The following PNPLA2 variants were observed in gnomAD, a reference collection of about 807,000 sequenced individuals.
The protein encoded by PNPLA2 is patatin-like phospholipase domain-containing protein 2.
A neutral mutation model predicts 39.7 loss-of-function variants in PNPLA2; 28 were observed. That is an observed-to-expected ratio of 0.70 (90% confidence interval 0.52 to 0.97). The LOEUF (loss-of-function observed/expected upper bound fraction) is 0.97. Ranked by LOEUF, PNPLA2 falls within the 50% of genes least tolerant of loss-of-function variation. The pLI is 0.00. For missense variants in PNPLA2, 768 were observed against 698.2 expected, an observed-to-expected ratio of 1.10 and a Z score of -1.13; for synonymous variants, 392 against 321.1, an observed-to-expected ratio of 1.22 and a Z score of -2.36.
Position 824,332 on chromosome 11 carries a change from C to T in PNPLA2, c.1071C>T (p.Pro357=), listed in dbSNP as rs771259316. ...SFTIRLLEWL[P]DVPEDIRWMK... is the part of the protein sequence containing the mutation. ...TCCCCAGCTTGCTGGAGTGGCTGCC[C>T]GACGTTCCCGAGGACATCCGGTGGA... The change falls in exon 9 of 10, where the codon CCC becomes CCT. Residue 357 remains proline (P), a synonymous_variant. Coordinates refer to ENST00000336615, the MANE Select transcript of PNPLA2 (RefSeq NM_020376.4). 9.7e-6 allele frequency: 15 copies of T among 1,550,968 alleles called. No individual in the cohort carries two copies. The South Asian group carries it at 1.5e-4, about 16-fold the overall frequency.
chr11:819,454 C>CG, intron 1 of PNPLA2, 120 bp from the exon 2 acceptor site: 1 of 1,152,368 alleles, frequency 8.7e-7, no homozygotes, highest in Non-Finnish European at 1.1e-6. Context: ...GGGTCAAGGA[C>CG]GGGGGCGGGT....
rs1046972492 is a variant in PNPLA2 at position 824,322 on chromosome 11, A to G, written c.1061A>G (p.Glu354Gly). The G allele has an allele frequency of 2.8e-5, 43 of 1,551,176 alleles. No homozygotes were observed. Among genetic ancestry groups the G allele is most frequent in the African/African-American group, 4.1e-5 (3 of 73,218 alleles). The change falls in exon 9 of 10, where the codon GAG becomes GGG. Residue 354 changes from glutamate (E) to glycine (G), a missense_variant. Glu to Gly is a moderately conservative substitution (Grantham distance 98). Coordinates refer to ENST00000336615, the MANE Select transcript of PNPLA2 (RefSeq NM_020376.4). Reference sequence around the variant, plus strand: ...GCTCGCCCTGTCCCCAGCTTGCTGGAGTGGCTGCCCGACGTTCCCGAGGAC... The same window carrying G: ...GCTCGCCCTGTCCCCAGCTTGCTGGGGTGGCTGCCCGACGTTCCCGAGGAC... ...SALSFTIRLL[E>G]WLPDVPEDIR...
chr11:824,836 C>T lies in PNPLA2; in HGVS notation c.1489C>T (p.Pro497Ser). ...LLSTPAPEARPVIGALGL is the reference protein window; with the variant it reads ...LLSTPAPEARSVIGALGL ...GAGCACCCCTGCTCCCGAGGCCCGGCCCGTGATCGGGGCCCTGGGGCTGTG... is the reference window on the plus strand; with the variant it reads ...GAGCACCCCTGCTCCCGAGGCCCGGTCCGTGATCGGGGCCCTGGGGCTGTG... The change falls in exon 10 of 10, where the codon CCC becomes TCC. Residue 497 changes from proline to serine, a missense_variant. By Grantham distance (74) the Pro-to-Ser change is moderately conservative. Coordinates refer to ENST00000336615, the MANE Select transcript of PNPLA2 (RefSeq NM_020376.4). 1 of 1,534,558 alleles carries T rather than the reference C, an allele frequency of 6.5e-7. No homozygotes were observed.
Position 819,820 on chromosome 11 carries a change from C to T in PNPLA2, c.102C>T (p.Pro34=), listed in dbSNP as rs913793983. The T allele has an allele frequency of 2.0e-6, 3 of 1,497,236 alleles. No homozygotes were observed. The highest frequency in any genetic ancestry group is 2.7e-6 in the Non-Finnish European group (3 of 1,124,390). The allele number at this position is 1,497,236 out of a possible 1,614,324, so 92.7% of individuals were successfully genotyped here. A position where few individuals can be genotyped will look rare whatever the true frequency, so the allele number is the denominator to read the frequency against. ...GVASCLREHA[P]FLVANATHIY... ...CCTCCTGCCTCCGCGAGCACGCGCCCTTCCTGGTGGCCAACGCCACGCACA... is the reference window on the plus strand; with the variant it reads ...CCTCCTGCCTCCGCGAGCACGCGCCTTTCCTGGTGGCCAACGCCACGCACA... The change falls in exon 2 of 10, where the codon CCC becomes CCT. Residue 34 remains proline, a synonymous_variant. Coordinates refer to ENST00000336615, the MANE Select transcript of PNPLA2 (RefSeq NM_020376.4).
rs1228238540 is a variant in PNPLA2 at position 824,317 on chromosome 11, G to A, written c.1056G>A (p.Leu352=). ...GCGCCGCTCGCCCTGTCCCCAGCTT[G>A]CTGGAGTGGCTGCCCGACGTTCCCG... is the stretch of plus-strand genomic sequence containing the variant. ...LESALSFTIR[L]LEWLPDVPED... Residue 352 remains leucine (L), a synonymous_variant, in exon 9 of 10, where the codon TTG becomes TTA. Transcript: ENST00000336615. The A allele has an allele frequency of 1.3e-6, 2 of 1,551,082 alleles. No homozygotes were observed. Among genetic ancestry groups the A allele is most frequent in the Non-Finnish European group, 1.7e-6 (2 of 1,147,678 alleles).
At chr11:822,818 CTCTT>C (rs1439451616) in intron 5 of PNPLA2, among the ~76,000 whole-genome samples, 4 of 112,232 alleles carry the variant, frequency 3.6e-5, no homozygotes, top group African/African-American at 1.1e-4. Flanking sequence ...CAGTCTCTCT[CTCTT>C]TTTTTTTTTT....
chr11:822,884 G>T (rs1845717105), intron 5 of PNPLA2, among the ~76,000 whole-genome samples: 1 of 150,588 alleles, frequency 6.6e-6, no homozygotes. Flanking sequence ...GAGTGCAGTG[G>T]CAGGATCTCA....
intron 2 of PNPLA2, among the ~76,000 whole-genome samples, 197 bp downstream of exon 2, chr11:820,102 C>T (rs371253674): frequency 1.6e-4 from 25 of 152,292 alleles, no homozygotes; most frequent in African/African-American, 6.0e-4. Flanking sequence ...TGTTTTGCTC[C>T]GAGGGTGCCC....
rs1233328897 is a variant in PNPLA2 at position 824,426 on chromosome 11, C to A, written c.1165C>A (p.Leu389Met). Residue 389 changes from leucine to methionine, a missense_variant, in exon 9 of 10, where the codon CTG becomes ATG. Physicochemically the swap from Leu to Met is conservative, Grantham distance 15. Transcript: ENST00000336615. ...MRAKRKLGRHLPSRLPEQVEL... is the reference protein window; with the variant it reads ...MRAKRKLGRHMPSRLPEQVEL... ...CGCCAAGAGGAAGCTGGGCAGGCAC[C>A]TGCCCTCCAGGTGAGCCGCCGACCG... 1 of 1,554,844 alleles carries A rather than the reference C, an allele frequency of 6.4e-7. No individual in the cohort carries two copies. The highest frequency in any genetic ancestry group is 8.7e-7 in the Non-Finnish European group (1 of 1,149,716).
At position 825,518 on chromosome 11, in the gene PNPLA2, A is replaced by G. The variant is rs1845861528; in HGVS notation, c.*656A>G. 1 of 151,188 alleles carries G rather than the reference A, an allele frequency of 6.6e-6. No individual in the cohort carries two copies. The highest frequency in any genetic ancestry group is 1.5e-5 in the Non-Finnish European group (1 of 68,032). The allele number at this position is 151,188 out of a possible 1,614,324, so 9.4% of individuals were successfully genotyped here. A position where few individuals can be genotyped will look rare whatever the true frequency, so the allele number is the denominator to read the frequency against. Reference sequence around the variant, plus strand: ...CTTGGCCACAGCCTTCTGAGGGCCAATGGAAATATTTGGGACCAAGATTCT... The same window carrying G: ...CTTGGCCACAGCCTTCTGAGGGCCAGTGGAAATATTTGGGACCAAGATTCT... On this transcript the variant is annotated 3_prime_UTR_variant, in exon 10 of 10. Transcript: ENST00000336615.
chr11:820,870 G>A (rs373568742), intron 2 of PNPLA2: 21 of 152,474 alleles, frequency 1.4e-4, no homozygotes, highest in African/African-American at 5.1e-4. Flanking sequence ...GATACATCAA[G>A]GTCCCTGCTA....
At position 819,715 on chromosome 11, in the gene PNPLA2, C is replaced by T. The variant is rs1424444014; in HGVS notation, c.-4C>T. On this transcript the variant is annotated 5_prime_UTR_variant, in exon 2 of 10. Transcript: ENST00000336615. ...GAACCCGGGGCCCGGCGGCCGCCGC[C>T]GCGATGTTTCCCCGCGAGAAGACGT... The T allele has an allele frequency of 1.3e-6, 2 of 1,483,456 alleles. No homozygotes were observed. The highest frequency in any genetic ancestry group is 2.5e-5 in the South Asian group (2 of 78,456). 91.9% of individuals were successfully genotyped at this position (1,483,456 alleles called of 1,614,324 possible). A position where few individuals can be genotyped will look rare whatever the true frequency, so the allele number is the denominator to read the frequency against.
chr11:819,751 G>T lies in PNPLA2; in HGVS notation c.33G>T (p.Ser11=), dbSNP rs757532269. 2 of 1,508,346 alleles carry T rather than the reference G, an allele frequency of 1.3e-6. No individual in the cohort carries two copies. Among genetic ancestry groups the T allele is most frequent in the Non-Finnish European group, 8.9e-7 (1 of 1,128,694 alleles). The allele number at this position is 1,508,346 out of a possible 1,614,324, so 93.4% of individuals were successfully genotyped here. ...CCCGCGAGAAGACGTGGAACATCTC[G>T]TTCGCGGGCTGCGGCTTCCTCGGCG... is the stretch of plus-strand genomic sequence containing the variant. The part of the protein sequence containing the change: MFPREKTWNI[S]FAGCGFLGVY... The change falls in exon 2 of 10, where the codon TCG becomes TCT. Residue 11 remains serine, a synonymous_variant. Coordinates refer to ENST00000336615, the MANE Select transcript of PNPLA2 (RefSeq NM_020376.4).
At position 824,736 on chromosome 11, in the gene PNPLA2, A is replaced by ACCCGCCGACCCGGCT. The variant is rs1845826336; in HGVS notation, c.1396_1410dup (p.Asp466_Ala470dup). 6.5e-7 allele frequency: 1 copy of ACCCGCCGACCCGGCT among 1,545,960 alleles called. No individual in the cohort carries two copies. The highest frequency in any genetic ancestry group is 1.4e-5 in the African/African-American group (1 of 72,984). On this transcript the variant is annotated inframe_insertion, in exon 10 of 10. Coordinates refer to ENST00000336615, the MANE Select transcript of PNPLA2 (RefSeq NM_020376.4). ...CGCCCGAAGCTCTGCGCATGCGCGC[A>ACCCGCCGACCCGGCT]CCCGCCGACCCGGCTCCCGCCCCCG...
intron 5 of PNPLA2, among the ~76,000 whole-genome samples, chr11:823,233 A>G (rs1845728873): frequency 6.6e-6 from 1 of 151,314 alleles, no homozygotes; most frequent in African/African-American, 2.4e-5. Flanking sequence ...AATTTTTTGT[A>G]TTTTTAGTAG....
chr11:822,777 C>T (rs1845712652), intron 5 of PNPLA2, among the ~76,000 whole-genome samples, 171 bp downstream of exon 5: 1 of 151,438 alleles, frequency 6.6e-6, no homozygotes, highest in Non-Finnish European at 1.5e-5. Context: ...TCCAACCTCT[C>T]TGTCTAGCTG....
intron 1 of PNPLA2, chr11:819,343 AC>A: frequency 3.3e-6 from 3 of 916,644 alleles, no homozygotes; most frequent in Non-Finnish European, 3.9e-6. Context: ...CCCACCCTAC[AC>A]CCCTAGGCGT....
chr11:825,153 C>CT lies in PNPLA2; in HGVS notation c.*292dup. On this transcript the variant is annotated 3_prime_UTR_variant, in exon 10 of 10. Coordinates refer to ENST00000336615, the MANE Select transcript of PNPLA2 (RefSeq NM_020376.4). The stretch of plus-strand genomic sequence containing the variant: ...TTCCCTCCCCGTTTTTCATGGCCTG[C>CT]TGAAATATGTGTGTGAAGAATTATT... 1.8e-6 allele frequency: 1 copy of CT among 549,874 alleles called. No individual in the cohort carries two copies. Among genetic ancestry groups the CT allele is most frequent in the Non-Finnish European group, 3.2e-6 (1 of 309,962 alleles). The allele number at this position is 549,874 out of a possible 1,614,324, so 34.1% of individuals were successfully genotyped here. A position where few individuals can be genotyped will look rare whatever the true frequency, so the allele number is the denominator to read the frequency against.
At chr11:820,146 C>G (rs943347518) in intron 2 of PNPLA2, among the ~76,000 whole-genome samples, 3 of 152,200 alleles carry the variant, frequency 2.0e-5, no homozygotes, top group African/African-American at 7.2e-5. Flanking sequence ...GGTTTGGGGG[C>G]GGGCAGGTGC....
Sources: allele counts gnomAD v4.1 joint callset (sites outside exome capture counted in the v4.1 genomes callset), GRCh38; gene constraint gnomAD v4.1.1; transcripts MANE v1.5; gene names NCBI Gene and HGNC (gene_info 2026-07-23, HGNC 2026-07-21).